TNFSF4: variants seen among roughly 807,000 people sequenced by gnomAD.
The protein encoded by TNFSF4 is TNF superfamily member 4, also known as tumor necrosis factor ligand superfamily member 4.
In TNFSF4, 4 loss-of-function variants were observed where a neutral mutation model predicts 7.3. The ratio of observed to expected loss-of-function variants is 0.55; its 90% CI spans 0.27 to 1.25. TNFSF4 has a LOEUF of 1.25. TNFSF4 is among the 50% of genes most tolerant of loss of function. The probability of loss-of-function intolerance (pLI) is 0.12; values close to 1 mark genes in which losing one functional copy is unlikely to be tolerated. For synonymous variants in TNFSF4, 76 were observed against 83.7 expected (o/e 0.91, Z 0.50); for missense variants, 181 against 208.8 (o/e 0.87, Z 0.82).
chr1:173,325,384 T>C, the TNFSF4 span, among the ~76,000 whole-genome samples: 7 of 152,216 alleles, frequency 4.6e-5, no homozygotes, highest in Admixed American at 3.3e-4. Context: ...GGGAAATTTA[T>C]AGCACTAAAT....
the TNFSF4 span, among the ~76,000 whole-genome samples, chr1:173,317,296 A>G: frequency 6.6e-6 from 1 of 152,228 alleles, no homozygotes; most frequent in African/African-American, 2.4e-5. Context: ...TAAGTATACA[A>G]TATAAATCCA....
At chr1:173,307,764 G>T in the TNFSF4 span, among the ~76,000 whole-genome samples, 4 of 151,860 alleles carry the variant, frequency 2.6e-5, no homozygotes, top group African/African-American at 9.7e-5. Context: ...CGTGAGTCTG[G>T]ATCTGGAAAG....
chr1:173,279,632 C>T, the TNFSF4 span, among the ~76,000 whole-genome samples: 3 of 152,080 alleles, frequency 2.0e-5, no homozygotes, highest in Non-Finnish European at 4.4e-5. Context: ...TGGCACCAGC[C>T]AACTTGTATT....
chr1:173,425,523 G>T, the TNFSF4 span, among the ~76,000 whole-genome samples: 18 of 152,298 alleles, frequency 1.2e-4, no homozygotes, highest in African/African-American at 3.6e-4. Context: ...GTTGAAATCT[G>T]GCTCTAGGAA....
chr1:173,439,974 C>T, the TNFSF4 span, among the ~76,000 whole-genome samples: 1 of 152,244 alleles, frequency 6.6e-6, no homozygotes, highest in African/African-American at 2.4e-5. Context: ...GTAGGAACTA[C>T]TGAACCCTGG....
At chr1:173,445,781 G>A in the TNFSF4 span, among the ~76,000 whole-genome samples, 2 of 152,156 alleles carry the variant, frequency 1.3e-5, no homozygotes, top group African/African-American at 4.8e-5. Context: ...CCGGAGATAA[G>A]AGATTAGAGA....
chr1:173,259,928 T>C, the TNFSF4 span, among the ~76,000 whole-genome samples: 1 of 152,186 alleles, frequency 6.6e-6, no homozygotes, highest in Non-Finnish European at 1.5e-5. Flanking sequence ...CTGGATATCA[T>C]GCGTAAGAAC....
chr1:173,394,354 G>A, the TNFSF4 span, among the ~76,000 whole-genome samples: 1 of 152,220 alleles, frequency 6.6e-6, no homozygotes. Context: ...CTAAGCACCT[G>A]TTGTCAAGGG....
At chr1:173,332,922 T>C in the TNFSF4 span, among the ~76,000 whole-genome samples, 1 of 152,236 alleles carries the variant, frequency 6.6e-6, no homozygotes, top group East Asian at 1.9e-4. Flanking sequence ...ATAGAAAATA[T>C]ACATCTCCTG....
the TNFSF4 span, among the ~76,000 whole-genome samples, chr1:173,253,094 G>A: frequency 6.6e-6 from 1 of 152,042 alleles, no homozygotes; most frequent in African/African-American, 2.4e-5. Context: ...TTCAATTTTG[G>A]TCAATGTCTT....
At chr1:173,326,851 C>T in the TNFSF4 span, among the ~76,000 whole-genome samples, 1 of 152,136 alleles carries the variant, frequency 6.6e-6, no homozygotes, top group Non-Finnish European at 1.5e-5. Flanking sequence ...CAAACCACTG[C>T]TCAATGAAAT....
chr1:173,438,018 T>G, the TNFSF4 span, among the ~76,000 whole-genome samples: 2 of 152,168 alleles, frequency 1.3e-5, no homozygotes, highest in East Asian at 3.8e-4. Flanking sequence ...AACTTAAATA[T>G]TAATTTGGGA....
the TNFSF4 span, among the ~76,000 whole-genome samples, chr1:173,437,381 CTTA>C: frequency 2.0e-5 from 3 of 151,918 alleles, no homozygotes; most frequent in Non-Finnish European, 2.9e-5. Flanking sequence ...TTGTAAATAG[CTTA>C]TTATTAATTA....
At chr1:173,400,976 T>C in the TNFSF4 span, among the ~76,000 whole-genome samples, 1 of 152,194 alleles carries the variant, frequency 6.6e-6, no homozygotes, top group Non-Finnish European at 1.5e-5. Flanking sequence ...CTAATTGTCA[T>C]GATTATTTCC....
At chr1:173,316,233 T>C in the TNFSF4 span, among the ~76,000 whole-genome samples, 21 of 150,908 alleles carry the variant, frequency 1.4e-4, no homozygotes, top group Non-Finnish European at 2.7e-4. Flanking sequence ...ATGCTTGAGA[T>C]AAGTATATTA....
the TNFSF4 span, among the ~76,000 whole-genome samples, chr1:173,308,285 C>CTCTCTCTCTG: frequency 0.013 from 1,814 of 135,024 alleles, 48 homozygotes; most frequent in African/African-American, 0.049. Context: ...CTCTCTCTCT[C>CTCTCTCTCTG]TGTGTGTGTG....
the TNFSF4 span, among the ~76,000 whole-genome samples, chr1:173,253,768 C>A: frequency 2.0e-5 from 3 of 152,242 alleles, no homozygotes; most frequent in East Asian, 5.8e-4. Context: ...AAAATTGAAC[C>A]AAGCATATAA....
the TNFSF4 span, among the ~76,000 whole-genome samples, chr1:173,263,201 T>C: frequency 0.077 from 11,795 of 152,194 alleles, 596 homozygotes; most frequent in African/African-American, 0.14. Flanking sequence ...GAAATGGCCA[T>C]ACTGCCTAAA....
chr1:173,173,467 G>C, the TNFSF4 span, among the ~76,000 whole-genome samples: 2 of 152,188 alleles, frequency 1.3e-5, no homozygotes, highest in South Asian at 4.1e-4. Flanking sequence ...AGGGGCTACA[G>C]TCTCCTTGTA....
Sources: allele counts gnomAD v4.1 joint callset (sites outside exome capture counted in the v4.1 genomes callset), GRCh38; gene constraint gnomAD v4.1.1; transcripts MANE v1.5; gene names NCBI Gene and HGNC (gene_info 2026-07-23, HGNC 2026-07-21).